Variants in DCAKD observed in about 807,000 individuals in gnomAD.
The protein encoded by DCAKD is dephospho-CoA kinase domain containing.
DCAKD carries 15 observed loss-of-function variants against 18.7 expected under a neutral mutation model. That is an observed-to-expected ratio of 0.80 (90% CI 0.54 to 1.24). The LOEUF is 1.24. DCAKD is among the 50% of genes most tolerant of loss of function. The pLI is 0.00. For synonymous variants in DCAKD, 130 were observed against 133.0 expected, an observed-to-expected ratio of 0.98 and a Z score of 0.16; for missense variants, 301 against 322.0, an observed-to-expected ratio of 0.93 and a Z score of 0.50.
chr17:45,025,744 CTTTTTTTTTTTTTTTT>C (rs66731834), intron 4 of DCAKD, among the ~76,000 whole-genome samples: 4 of 103,882 alleles, frequency 3.9e-5, no homozygotes, highest in Non-Finnish European at 7.4e-5. Flanking sequence ...TTGGTTCCTT[CTTTTTTTTTTTTTTTT>C]TTTTTTTTCC....
At chr17:45,046,658 CGG>C (rs1203062434) in intron 1 of DCAKD, among the ~76,000 whole-genome samples, 1 of 149,960 alleles carries the variant, frequency 6.7e-6, no homozygotes, top group African/African-American at 2.5e-5. Context: ...TGTTTGCCCA[CGG>C]TAGTGCCAGG....
In DCAKD at chr17:45,024,468, A is replaced by G. The variant is rs372242714; in HGVS notation, c.661T>C (p.Tyr221His). ...GGCAGAAGGTAGTGGGTGAGCAGGT[A>G]GAGGAGGCTGGCAATGGCAGCGAGC... ...TGLAAIASLL[Y>H]LLTHYLLPYA is the part of the protein sequence containing the mutation. The change falls in exon 5 of 5, where the codon TAC (tyrosine) becomes CAC (histidine). Residue 221 changes from tyrosine to histidine, a missense_variant. Tyr to His is a moderately conservative substitution (Grantham distance 83). Coordinates refer to ENST00000651974, the MANE Select transcript of DCAKD (RefSeq NM_001288655.2). 56 of 1,612,774 alleles carry G rather than the reference A, an allele frequency of 3.5e-5. No homozygotes were observed. The highest frequency in any genetic ancestry group is 1.6e-4 in the Middle Eastern group (1 of 6,080).
rs1275873848 is a variant in DCAKD at position 45,051,619 on chromosome 17, T to G, written c.-373A>C. The G allele has an allele frequency of 1.3e-5, 2 of 150,064 alleles. No individual in the cohort carries two copies. The highest frequency in any genetic ancestry group is 3.0e-5 in the Non-Finnish European group (2 of 67,582). The allele number at this position is 150,064 out of a possible 1,614,324, so 9.3% of individuals were successfully genotyped here. A position where few individuals can be genotyped will look rare whatever the true frequency, so the allele number is the denominator to read the frequency against. Reference sequence around the variant, plus strand: ...ATCTCCGCAGCGCTTACAGGCCGGCTCAGCGGGCGAGGCGGGACCTCGGGA... The same window carrying G: ...ATCTCCGCAGCGCTTACAGGCCGGCGCAGCGGGCGAGGCGGGACCTCGGGA... On this transcript the variant is annotated 5_prime_UTR_variant, in exon 1 of 5. Transcript: ENST00000651974.
intron 1 of DCAKD, among the ~76,000 whole-genome samples, chr17:45,045,356 A>G (rs1381707352): frequency 6.6e-6 from 1 of 152,144 alleles, no homozygotes; most frequent in East Asian, 1.9e-4. Flanking sequence ...TTGTGTTGAT[A>G]TCTTGCAATC....
intron 1 of DCAKD, among the ~76,000 whole-genome samples, chr17:45,058,834 C>T (rs906535644): frequency 1.4e-4 from 22 of 152,172 alleles, no homozygotes; most frequent in South Asian, 2.1e-4. Context: ...GTGGTGACAG[C>T]TCTCAGACTG....
Position 45,023,980 on chromosome 17 carries a change from G to C in DCAKD, c.*453C>G, listed in dbSNP as rs2143144718. 6.4e-6 allele frequency: 1 copy of C among 157,382 alleles called. No individual in the cohort carries two copies. Among genetic ancestry groups the C allele is most frequent in the Admixed American group, 6.2e-5 (1 of 16,090 alleles). 9.7% of individuals were successfully genotyped at this position (157,382 alleles called of 1,614,324 possible). ...AACATGGAAACCCTTGGTCCAACAT[G>C]ATTTCCCGTGGTCCACTGAGGAGGT... On this transcript the variant is annotated 3_prime_UTR_variant, in exon 5 of 5. Coordinates refer to ENST00000651974, the MANE Select transcript of DCAKD (RefSeq NM_001288655.2).
chr17:45,041,793 A>G (rs1382923475), intron 1 of DCAKD, among the ~76,000 whole-genome samples: 1 of 151,442 alleles, frequency 6.6e-6, no homozygotes. Flanking sequence ...AGTACCAGTA[A>G]GTGTGGTGGT....
chr17:45,030,692 C>A (rs560289828), intron 3 of DCAKD, among the ~76,000 whole-genome samples: 1 of 152,202 alleles, frequency 6.6e-6, no homozygotes, highest in Non-Finnish European at 1.5e-5. Context: ...AGGTGCAGGC[C>A]CAGCCCTGCT....
rs746591313 is a variant in DCAKD at position 45,046,615 on chromosome 17, CAAAAAAAAAAAAA to C, written c.-115+4733_-115+4745del. ...TGGGCGACAGAGCGAGATTCCATCT[CAAAAAAAAAAAAA>C]AAAAAAAAAAGCAGCTCTATGTTTG... On this transcript the variant is annotated intron_variant, in intron 1 of 4. Coordinates refer to ENST00000651974, the MANE Select transcript of DCAKD (RefSeq NM_001288655.2). 1.4e-4 allele frequency among the ~76,000 whole-genome samples: 7 copies of C among 50,154 alleles called. No homozygotes were observed. The Admixed American group carries it at 1.6e-3, about 12-fold the overall frequency. The allele number at this position is 50,154 out of a possible 152,430, so 32.9% of individuals were successfully genotyped here. A position where few individuals can be genotyped will look rare whatever the true frequency, so the allele number is the denominator to read the frequency against.
chr17:45,035,480 TAAAA>T (rs35837364), intron 1 of DCAKD, among the ~76,000 whole-genome samples: 2 of 86,950 alleles, frequency 2.3e-5, no homozygotes, highest in African/African-American at 4.6e-5. Context: ...AGATTCCTTC[TAAAA>T]AAAAAAAAAA....
At chr17:45,025,741 CTTCTTTTTTT>C (rs1352150569) in intron 4 of DCAKD, among the ~76,000 whole-genome samples, 4 of 126,820 alleles carry the variant, frequency 3.2e-5, no homozygotes, top group African/African-American at 1.2e-4. Flanking sequence ...ATTTTGGTTC[CTTCTTTTTTT>C]TTTTTTTTTT....
intron 4 of DCAKD, among the ~76,000 whole-genome samples, chr17:45,026,388 T>C (rs1239191762): frequency 6.6e-6 from 1 of 151,696 alleles, no homozygotes; most frequent in African/African-American, 2.4e-5. Flanking sequence ...CCACCACACC[T>C]GGCTAATTTT....
At chr17:45,058,130 C>T (rs959421971) in intron 1 of DCAKD, among the ~76,000 whole-genome samples, 27 of 150,982 alleles carry the variant, frequency 1.8e-4, no homozygotes, top group Non-Finnish European at 3.7e-4. Context: ...GCCTGGCCAA[C>T]GTGGTGAAAC....
chr17:45,035,177 C>A, intron 1 of DCAKD, 178 bp from the exon 2 acceptor site: 1 of 346,896 alleles, frequency 2.9e-6, no homozygotes, highest in Non-Finnish European at 5.5e-6. Flanking sequence ...ATTTTAAAAA[C>A]ACTCGCAAAG....
upstream of DCAKD, among the ~76,000 whole-genome samples, chr17:45,054,908 C>T (rs1465484056): frequency 6.6e-6 from 1 of 152,136 alleles, no homozygotes; most frequent in Non-Finnish European, 1.5e-5. Flanking sequence ...TCAGATACTG[C>T]CTTACAGTAT....
At chr17:45,033,138 G>C (rs2053207973) in intron 3 of DCAKD, among the ~76,000 whole-genome samples, 1 of 152,150 alleles carries the variant, frequency 6.6e-6, no homozygotes, top group African/African-American at 2.4e-5. Context: ...TTGAGGCCAG[G>C]AGTTTGAGAC....
chr17:45,050,540 G>C (rs1254737551), intron 1 of DCAKD, among the ~76,000 whole-genome samples: 3 of 152,038 alleles, frequency 2.0e-5, no homozygotes, highest in Non-Finnish European at 4.4e-5. Context: ...GCCCTGCTGA[G>C]ACAAAAACCA....
rs1290688841 is a variant in DCAKD at position 45,034,859 on chromosome 17, GC to G, written c.26del (p.Gly9AlafsTer9). 2.5e-6 allele frequency: 4 copies of G among 1,614,148 alleles called. No homozygotes were observed. The highest frequency in any genetic ancestry group is 4.5e-5 in the East Asian group (2 of 44,884). MFLVGLTGGIASGKSSVIQ... is the reference protein window; with the variant it reads MFLVGLTGXIASGKSSVIQ... ...TCACTGAGCTCTTGCCTGAGGCAAT[GC>G]CCCCTGTCAGGCCCACCAGAAACAT... On this transcript the variant is annotated frameshift_variant, in exon 2 of 5. Transcript: ENST00000651974. LOFTEE classifies it high-confidence loss of function.
At position 45,059,447 on chromosome 17, in the gene DCAKD, C is replaced by T. The variant is rs7224410; in HGVS notation, c.-118+1441G>A. ...AAGAATTAGTCCTCTCATCACCCAC[C>T]ACACTCAACCCGAATAGGAAATTTC... On this transcript the variant is annotated intron_variant, in intron 1 of 4. Coordinates refer to the DCAKD transcript ENST00000310604. 1.7e-3 allele frequency among the ~76,000 whole-genome samples: 253 copies of T among 152,200 alleles called. 1 individual carries two copies. The highest frequency in any genetic ancestry group is 5.8e-3 in the African/African-American group (239 of 41,532).
Sources: allele counts gnomAD v4.1 joint callset (sites outside exome capture counted in the v4.1 genomes callset), GRCh38; gene constraint gnomAD v4.1.1; transcripts MANE v1.5; gene names NCBI Gene and HGNC (gene_info 2026-07-23, HGNC 2026-07-21).